RORA: variants seen among roughly 807,000 people sequenced by gnomAD.
The protein encoded by RORA is nuclear receptor ROR-alpha.
In RORA, 7 loss-of-function variants were observed where a neutral mutation model predicts 69.5. The observed-to-expected ratio is 0.10, with a 90% CI of 0.06 to 0.19. The LOEUF is 0.19. RORA is among the 10% of genes least tolerant of loss of function. The pLI is 1.00. For synonymous variants in RORA, 261 were observed against 240.8 expected (o/e 1.08, Z -0.78); for missense variants, 457 against 663.0 (o/e 0.69, Z 3.41).
chr15:60,939,861 G>A (rs1892638913), intron 1 of RORA, among the ~76,000 whole-genome samples: 1 of 152,156 alleles, frequency 6.6e-6, no homozygotes, highest in Admixed American at 6.5e-5. Context: ...AAAGCAGTGT[G>A]TGTGCACATT....
chr15:60,629,641 G>A (rs189103412), intron 2 of RORA, among the ~76,000 whole-genome samples: 3 of 152,182 alleles, frequency 2.0e-5, no homozygotes, highest in Non-Finnish European at 4.4e-5. Flanking sequence ...TAGGCAGATG[G>A]GATGCTGCCA....
At chr15:60,995,201 C>T (rs1329241909) in intron 1 of RORA, among the ~76,000 whole-genome samples, 1 of 152,038 alleles carries the variant, frequency 6.6e-6, no homozygotes, top group African/African-American at 2.4e-5. Context: ...TCTCTTCTTT[C>T]CTTTCCGCAG....
At chr15:60,624,471 C>CAT (rs3053858) in intron 2 of RORA, among the ~76,000 whole-genome samples, 5,071 of 73,448 alleles carry the variant, frequency 0.069, 281 homozygotes, top group South Asian at 0.1. Flanking sequence ...CCATTTGCTG[C>CAT]ATATATATAT....
intron 1 of RORA, among the ~76,000 whole-genome samples, chr15:60,890,160 G>C (rs143777470): frequency 6.6e-6 from 1 of 152,132 alleles, no homozygotes; most frequent in Non-Finnish European, 1.5e-5. Context: ...ATCAGTACTT[G>C]TTTAAAGTCA....
chr15:60,576,120 C>T (rs2068018970), intron 2 of RORA, among the ~76,000 whole-genome samples: 2 of 152,188 alleles, frequency 1.3e-5, no homozygotes, highest in African/African-American at 4.8e-5. Flanking sequence ...TGGGTAGATC[C>T]ATAGAAGACA....
At chr15:61,000,699 C>A (rs1485553542) in intron 1 of RORA, among the ~76,000 whole-genome samples, 1 of 152,178 alleles carries the variant, frequency 6.6e-6, no homozygotes, top group Non-Finnish European at 1.5e-5. Flanking sequence ...AATTTGATTA[C>A]TATTGTCCAG....
chr15:61,162,449 A>G (rs1268895297), intron 1 of RORA, among the ~76,000 whole-genome samples: 3 of 152,198 alleles, frequency 2.0e-5, no homozygotes, highest in African/African-American at 7.2e-5. Context: ...GCTCCTGTTC[A>G]TGGAGGAGAT....
At chr15:60,614,967 C>T in intron 2 of RORA, 2 of 1,613,954 alleles carry the variant, frequency 1.2e-6, no homozygotes, top group South Asian at 2.2e-5. Flanking sequence ...TGGCTCCATC[C>T]CAGTTTATGT....
At chr15:60,497,901 A>G (rs2065211456) in intron 10 of RORA, among the ~76,000 whole-genome samples, 1 of 152,004 alleles carries the variant, frequency 6.6e-6, no homozygotes, top group South Asian at 2.1e-4. Flanking sequence ...TCTACCTAAA[A>G]AAAAAAAATT....
At chr15:60,516,130 A>AATATATTTAT (rs1567051927) in intron 3 of RORA, among the ~76,000 whole-genome samples, 1 of 53,622 alleles carries the variant, frequency 1.9e-5, no homozygotes, top group African/African-American at 7.0e-5. Context: ...TATTATATTA[A>AATATATTTAT]ATATATTTAT....
chr15:61,118,867 C>A (rs537728236), intron 1 of RORA, among the ~76,000 whole-genome samples: 105 of 152,068 alleles, frequency 6.9e-4, no homozygotes, highest in African/African-American at 2.4e-3. Flanking sequence ...CCAAGGCAGA[C>A]AGAGCAGGTG....
chr15:61,121,328 G>A (rs1389778409), intron 1 of RORA, among the ~76,000 whole-genome samples: 1 of 152,152 alleles, frequency 6.6e-6, no homozygotes, highest in Non-Finnish European at 1.5e-5. Flanking sequence ...ATATGTCTCC[G>A]AAGAGATCCA....
At position 60,496,576 on chromosome 15, in the gene RORA, G is replaced by A. The variant is rs1201443403; in HGVS notation, c.*879C>T. On this transcript the variant is annotated 3_prime_UTR_variant, in exon 11 of 11. Transcript: ENST00000335670. The surrounding 1 kb of genome is among the most constrained non-coding windows in gnomAD (Gnocchi z 4.5). The stretch of plus-strand genomic sequence containing the variant: ...AAAAGCAAAGTATAATTTAGGGAGA[G>A]TTCCGTTTCTAATTCCAAATTCACA... 1.3e-5 allele frequency: 2 copies of A among 151,912 alleles called. No homozygotes were observed. Among genetic ancestry groups the A allele is most frequent in the Admixed American group, 6.5e-5 (1 of 15,268 alleles). 9.4% of individuals were successfully genotyped at this position (151,912 alleles called of 1,614,324 possible).
At chr15:61,005,388 G>A (rs925137342) in intron 1 of RORA, among the ~76,000 whole-genome samples, 2 of 152,202 alleles carry the variant, frequency 1.3e-5, no homozygotes, top group African/African-American at 4.8e-5. Flanking sequence ...GCTGAGGCAG[G>A]AGAATTGCTT....
chr15:61,165,572 C>G (rs2079533990), intron 1 of RORA, among the ~76,000 whole-genome samples: 1 of 152,130 alleles, frequency 6.6e-6, no homozygotes, highest in Non-Finnish European at 1.5e-5. Flanking sequence ...TAAAATAGAT[C>G]AAAGGCTTGA....
chr15:61,119,391 A>ATATATATATATATACACACAC (rs2079081282), intron 1 of RORA, among the ~76,000 whole-genome samples: 1 of 3,922 alleles, frequency 2.5e-4, no homozygotes, highest in South Asian at 0.015. Flanking sequence ...TTGTATATGT[A>ATATATATATATATACACACAC]TATATATATA....
At chr15:60,650,666 C>T (rs867630196) in intron 2 of RORA, 1 of 152,158 alleles carries the variant, frequency 6.6e-6, no homozygotes, top group Non-Finnish European at 1.5e-5. Flanking sequence ...GCGGAGCCCT[C>T]GTGAAGGTTT....
chr15:60,880,151 G>C (rs149440502), intron 1 of RORA, among the ~76,000 whole-genome samples: 1,738 of 152,144 alleles, frequency 0.011, 22 homozygotes, highest in Non-Finnish European at 0.019. Flanking sequence ...CTTACTCTTT[G>C]GTTTCCAGGA....
chr15:60,781,544 C>G (rs1021092748), intron 1 of RORA, among the ~76,000 whole-genome samples: 4 of 152,132 alleles, frequency 2.6e-5, no homozygotes, highest in Non-Finnish European at 5.9e-5. Flanking sequence ...TATTTATCCC[C>G]TAACCGTGCT....
Sources: allele counts gnomAD v4.1 joint callset (sites outside exome capture counted in the v4.1 genomes callset), GRCh38; gene constraint gnomAD v4.1.1; non-coding constraint Gnocchi (gnomAD v3.1); transcripts MANE v1.5; gene names NCBI Gene and HGNC (gene_info 2026-07-23, HGNC 2026-07-21).